RNF144A: variants seen among roughly 807,000 people sequenced by gnomAD.
RNF144A encodes the protein E3 ubiquitin-protein ligase RNF144A.
A neutral mutation model predicts 38.7 loss-of-function variants in RNF144A; 11 were observed. The observed-to-expected ratio is 0.28, with a 90% CI of 0.18 to 0.47. RNF144A has a LOEUF of 0.47. Ranked by LOEUF, RNF144A falls within the 20% of genes least tolerant of loss-of-function variation. The probability of loss-of-function intolerance (pLI) is 0.99; values close to 1 mark genes in which losing one functional copy is unlikely to be tolerated. For synonymous variants in RNF144A, 149 were observed against 143.9 expected (o/e 1.04, Z -0.25); for missense variants, 316 against 377.2 (o/e 0.84, Z 1.34).
At chr2:6,990,412 AC>A (rs1669266288) in intron 2 of RNF144A, among the ~76,000 whole-genome samples, 3 of 139,808 alleles carry the variant, frequency 2.1e-5, no homozygotes, top group Admixed American at 7.3e-5. Flanking sequence ...ACACACACAC[AC>A]ACACACACAC....
chr2:6,944,409 G>A lies in RNF144A; in HGVS notation c.-12+3262G>A, dbSNP rs1572237010. 6.6e-6 allele frequency among the ~76,000 whole-genome samples: 1 copy of A among 151,994 alleles called. No individual in the cohort carries two copies. Among genetic ancestry groups the A allele is most frequent in the East Asian group, 1.9e-4 (1 of 5,178 alleles). Reference sequence around the variant, plus strand: ...GAGAGATCTTCCCCTCCACTTACCCGATTGCCTACTTACCCCTTTGGTGAT... The same window carrying A: ...GAGAGATCTTCCCCTCCACTTACCCAATTGCCTACTTACCCCTTTGGTGAT... On this transcript the variant is annotated intron_variant, in intron 2 of 8. Transcript: ENST00000320892. The surrounding 1 kb of genome is among the most constrained non-coding windows in gnomAD (Gnocchi z 4.7).
At chr2:7,037,723 G>A (rs1330132955) in intron 8 of RNF144A, among the ~76,000 whole-genome samples, 1 of 152,232 alleles carries the variant, frequency 6.6e-6, no homozygotes, top group Non-Finnish European at 1.5e-5. Context: ...AATCTCAGTC[G>A]AGGTATACTT....
intron 1 of RNF144A, among the ~76,000 whole-genome samples, chr2:6,938,985 T>A (rs1391665680): frequency 6.6e-6 from 1 of 152,192 alleles, no homozygotes; most frequent in African/African-American, 2.4e-5. Flanking sequence ...ATTCACTAGT[T>A]GATGGACATA....
chr2:7,014,525 C>T lies in RNF144A; in HGVS notation c.207C>T (p.Ala69=). 2 of 1,606,980 alleles carry T rather than the reference C, an allele frequency of 1.2e-6. No homozygotes were observed. Among genetic ancestry groups the T allele is most frequent in the Non-Finnish European group, 1.7e-6 (2 of 1,177,372 alleles). ...CCGCAATTAGCTGCCCAGATGCTGC[C>T]TGCCCTAAACAGGGCCACCTACAGG... is the stretch of plus-strand genomic sequence containing the variant. ...LETAISCPDA[A]CPKQGHLQEN... The change falls in exon 4 of 9, where the codon GCC becomes GCT. Residue 69 remains alanine, a synonymous_variant. Transcript: ENST00000320892.
In RNF144A at chr2:7,003,134, C is replaced by T. The variant is rs558773728; in HGVS notation, c.135+6073C>T. 4.0e-5 allele frequency among the ~76,000 whole-genome samples: 6 copies of T among 151,874 alleles called. No individual in the cohort carries two copies. In the South Asian group the frequency reaches 1.0e-3, roughly 26 times the overall value. On this transcript the variant is annotated intron_variant, in intron 3 of 8. Coordinates refer to ENST00000320892, the MANE Select transcript of RNF144A (RefSeq NM_014746.6). ...ATATATATATTTGTACAGCTGTGTTCGTATTTTAGGCTAAATGTTATGAGA... is the reference window on the plus strand; with the variant it reads ...ATATATATATTTGTACAGCTGTGTTTGTATTTTAGGCTAAATGTTATGAGA...
chr2:7,067,338 G>A (rs1249350125), intron 6 of RNF144A, among the ~76,000 whole-genome samples: 1 of 152,114 alleles, frequency 6.6e-6, no homozygotes, highest in Non-Finnish European at 1.5e-5. Flanking sequence ...GAAGCTGGAG[G>A]ACTTGATACA....
chr2:6,943,727 G>A lies in RNF144A; in HGVS notation c.-12+2580G>A, dbSNP rs1028714294. Among the ~76,000 whole-genome samples the A allele has an allele frequency of 2.6e-5, 4 of 152,164 alleles. No homozygotes were observed. Among genetic ancestry groups the A allele is most frequent in the African/African-American group, 9.7e-5 (4 of 41,442 alleles). ...AATGACAGATACATGCGTGGGTGGTGCTCGGAGGAGGAGGCTCTGCAGTTC... is the reference window on the plus strand; with the variant it reads ...AATGACAGATACATGCGTGGGTGGTACTCGGAGGAGGAGGCTCTGCAGTTC... On this transcript the variant is annotated intron_variant, in intron 2 of 8. Coordinates refer to ENST00000320892, the MANE Select transcript of RNF144A (RefSeq NM_014746.6). This position sits in a 1 kb window ranked among gnomAD's most constrained non-coding sequence, Gnocchi z 4.3.
Position 7,043,831 on chromosome 2 carries a change from C to T in RNF144A, c.*4071C>T. The T allele has an allele frequency of 1.0e-6, 1 of 985,774 alleles. No individual in the cohort carries two copies. The highest frequency in any genetic ancestry group is 1.2e-6 in the Non-Finnish European group (1 of 829,920). The allele number at this position is 985,774 out of a possible 1,614,324, so 61.1% of individuals were successfully genotyped here. On this transcript the variant is annotated 3_prime_UTR_variant, in exon 9 of 9. Transcript: ENST00000320892. ...CCTGCCCTTTCTTTCCTTCTTTGCT[C>T]ACTTTACTATGGGTGTATTTTAATC...
chr2:6,945,007 T>C (rs557268330), intron 2 of RNF144A, among the ~76,000 whole-genome samples: 55 of 152,370 alleles, frequency 3.6e-4, no homozygotes, highest in South Asian at 2.5e-3. Context: ...TTGTTCTGTT[T>C]TGTTTTGTTT....
At chr2:7,008,359 C>G (rs2103409673) in intron 3 of RNF144A, among the ~76,000 whole-genome samples, 1 of 152,382 alleles carries the variant, frequency 6.6e-6, no homozygotes, top group South Asian at 2.1e-4. Context: ...TGCCCAGTCC[C>G]TTACCCTCCA....
rs1017534479 is a variant in RNF144A at position 6,962,867 on chromosome 2, A to T, written c.-12+21720A>T. Among the ~76,000 whole-genome samples, 1 of 152,172 alleles carries T rather than the reference A, an allele frequency of 6.6e-6. No homozygotes were observed. The highest frequency in any genetic ancestry group is 1.9e-4 in the East Asian group (1 of 5,192). On this transcript the variant is annotated intron_variant, in intron 2 of 8. Coordinates refer to ENST00000320892, the MANE Select transcript of RNF144A (RefSeq NM_014746.6). This position sits in a 1 kb window ranked among gnomAD's most constrained non-coding sequence, Gnocchi z 4.1. The stretch of plus-strand genomic sequence containing the variant: ...GCTGGTCTCCATGGTTTATGCCATC[A>T]TGATGCCAGTGTTGAATTTGTGGTG...
intron 6 of RNF144A, among the ~76,000 whole-genome samples, chr2:7,064,801 A>C (rs184163965): frequency 6.6e-6 from 1 of 152,210 alleles, no homozygotes; most frequent in South Asian, 2.1e-4. Context: ...TCAGCTTTCT[A>C]TAAATTGTAA....
chr2:6,990,467 A>T (rs1669278152), intron 2 of RNF144A, among the ~76,000 whole-genome samples: 1 of 124,046 alleles, frequency 8.1e-6, no homozygotes, highest in South Asian at 2.3e-4. Context: ...ATATAATATA[A>T]CATATAATAT....
chr2:6,975,199 A>G (rs116277523), intron 2 of RNF144A, among the ~76,000 whole-genome samples: 2,175 of 152,312 alleles, frequency 0.014, 53 homozygotes, highest in African/African-American at 0.05. Flanking sequence ...CACATCTCAC[A>G]TGGTGGCAGA....
chr2:6,920,164 C>T (rs1664444426), intron 1 of RNF144A, among the ~76,000 whole-genome samples: 1 of 152,222 alleles, frequency 6.6e-6, no homozygotes, highest in African/African-American at 2.4e-5. Flanking sequence ...CATTCTTTCC[C>T]CTGTGGTCCA....
At chr2:6,974,206 G>A (rs1668167306) in intron 2 of RNF144A, among the ~76,000 whole-genome samples, 1 of 152,208 alleles carries the variant, frequency 6.6e-6, no homozygotes, top group African/African-American at 2.4e-5. Flanking sequence ...AAAGGAGAAT[G>A]GCAGTTGTAG....
intron 3 of RNF144A, among the ~76,000 whole-genome samples, chr2:7,012,677 G>A (rs1405958439): frequency 6.6e-6 from 1 of 152,226 alleles, no homozygotes; most frequent in Non-Finnish European, 1.5e-5. Flanking sequence ...AGCCCTGCTG[G>A]AGGCTGGGTG....
chr2:6,918,711 C>G (rs1664316391), intron 1 of RNF144A: 1 of 124,172 alleles, frequency 8.1e-6, no homozygotes, highest in Non-Finnish European at 1.6e-5. Context: ...TTGCAGTGAG[C>G]GGAGATCGCG....
chr2:6,966,323 A>G (rs1372474173), intron 2 of RNF144A, among the ~76,000 whole-genome samples: 2 of 152,252 alleles, frequency 1.3e-5, no homozygotes, highest in Non-Finnish European at 2.9e-5. Context: ...GGATGCAGAA[A>G]CAGTAGCAAC....
Sources: allele counts gnomAD v4.1 joint callset (sites outside exome capture counted in the v4.1 genomes callset), GRCh38; gene constraint gnomAD v4.1.1; non-coding constraint Gnocchi (gnomAD v3.1); transcripts MANE v1.5; gene names NCBI Gene and HGNC (gene_info 2026-07-23, HGNC 2026-07-21).